TPD52L1: variants seen among roughly 807,000 people sequenced by gnomAD.
TPD52L1 encodes tumor protein D53.
TPD52L1 carries 18 observed loss-of-function variants against 28.7 expected under a neutral mutation model. The ratio of observed to expected loss-of-function variants is 0.63; its 90% CI spans 0.43 to 0.93. TPD52L1 has a LOEUF of 0.93. TPD52L1 is among the 40% of genes least tolerant of loss of function. The probability of loss-of-function intolerance (pLI) is 0.00; values close to 1 mark genes in which losing one functional copy is unlikely to be tolerated. For synonymous variants in TPD52L1, 75 were observed against 88.8 expected (o/e 0.84, Z 0.88); for missense variants, 203 against 254.8 (o/e 0.80, Z 1.39).
At chr6:125,172,145 TTTC>T (rs1365055307) in intron 1 of TPD52L1, among the ~76,000 whole-genome samples, 1,549 of 78,350 alleles carry the variant, frequency 0.02, 14 homozygotes, top group African/African-American at 0.062. Context: ...TCTTTCTTTC[TTTC>T]TTTCTTTCTT....
intron 1 of TPD52L1, among the ~76,000 whole-genome samples, chr6:125,218,795 T>C (rs573097232): frequency 1.3e-5 from 2 of 152,310 alleles, no homozygotes; most frequent in African/African-American, 4.8e-5. Flanking sequence ...ACTCTTCTGT[T>C]GTAGGACTTT....
At chr6:125,183,098 G>A (rs1335729231) in intron 1 of TPD52L1, among the ~76,000 whole-genome samples, 1 of 152,196 alleles carries the variant, frequency 6.6e-6, no homozygotes, top group East Asian at 1.9e-4. Flanking sequence ...GAACACTGAA[G>A]CACCCAGAAG....
intron 3 of TPD52L1, among the ~76,000 whole-genome samples, chr6:125,241,727 T>A (rs1361736552): frequency 6.6e-6 from 1 of 152,130 alleles, no homozygotes; most frequent in Admixed American, 6.5e-5. Flanking sequence ...TCTTGGTTAA[T>A]CTTGCTAATG....
intron 1 of TPD52L1, among the ~76,000 whole-genome samples, chr6:125,215,820 A>G (rs1794826338): frequency 6.6e-6 from 1 of 152,216 alleles, no homozygotes; most frequent in South Asian, 2.1e-4. Flanking sequence ...TATAGAAGGT[A>G]CTAAAGATGT....
intron 1 of TPD52L1, among the ~76,000 whole-genome samples, chr6:125,156,687 T>C (rs938748499): frequency 5.9e-5 from 9 of 152,104 alleles, no homozygotes; most frequent in African/African-American, 2.2e-4. Context: ...GAGGATCACC[T>C]GAGCCCAGCA....
chr6:125,233,374 CTTA>C (rs1796067600), intron 3 of TPD52L1, among the ~76,000 whole-genome samples: 1 of 152,068 alleles, frequency 6.6e-6, no homozygotes, highest in Non-Finnish European at 1.5e-5. Flanking sequence ...GTCAGGAATT[CTTA>C]TTATCTCTTT....
chr6:125,181,262 G>C (rs950850973), intron 1 of TPD52L1, among the ~76,000 whole-genome samples: 1 of 152,056 alleles, frequency 6.6e-6, no homozygotes. Context: ...CAAAATTCAG[G>C]ATGACTAAGA....
chr6:125,185,057 C>T (rs930050233), intron 1 of TPD52L1, among the ~76,000 whole-genome samples: 2 of 152,052 alleles, frequency 1.3e-5, no homozygotes, highest in Non-Finnish European at 2.9e-5. Flanking sequence ...AATAAAAACA[C>T]TAAGAGCAAT....
chr6:125,208,911 A>G lies in TPD52L1; in HGVS notation c.20-11167A>G, dbSNP rs1794334128. ...ACCTTTCAATCCCTAGGGCAGGAAT[A>G]AGCCAGCAGGCCCAAGGTGTAGCTC... is the stretch of plus-strand genomic sequence containing the variant. On this transcript the variant is annotated intron_variant, in intron 1 of 6. Transcript: ENST00000534000. 1.9e-5 allele frequency: 19 copies of G among 985,364 alleles called. 1 individual carries two copies. The South Asian group carries it at 8.0e-4, about 41-fold the overall frequency. The allele number at this position is 985,364 out of a possible 1,614,324, so 61.0% of individuals were successfully genotyped here.
At chr6:125,211,562 A>T (rs185630843) in intron 1 of TPD52L1, among the ~76,000 whole-genome samples, 2 of 152,290 alleles carry the variant, frequency 1.3e-5, no homozygotes, top group African/African-American at 4.8e-5. Flanking sequence ...TCGTCTGTGT[A>T]TGCAGATTTC....
chr6:125,218,704 A>G (rs569797740), intron 1 of TPD52L1, among the ~76,000 whole-genome samples: 103 of 152,302 alleles, frequency 6.8e-4, no homozygotes, highest in Non-Finnish European at 1.3e-3. Flanking sequence ...AAATGTTTAT[A>G]GTTTTGTCCC....
At chr6:125,169,964 G>C (rs149133763) in intron 1 of TPD52L1, among the ~76,000 whole-genome samples, 2 of 152,124 alleles carry the variant, frequency 1.3e-5, no homozygotes, top group East Asian at 3.9e-4. Flanking sequence ...GAACCTTTGA[G>C]TTTATTAATC....
chr6:125,168,632 C>T (rs1791071201), intron 1 of TPD52L1, among the ~76,000 whole-genome samples: 2 of 152,038 alleles, frequency 1.3e-5, no homozygotes, highest in Non-Finnish European at 2.9e-5. Flanking sequence ...ATTCTCCCAC[C>T]CCAGCCTCCC....
chr6:125,176,393 G>A (rs931680447), intron 1 of TPD52L1, among the ~76,000 whole-genome samples: 1 of 152,156 alleles, frequency 6.6e-6, no homozygotes, highest in Non-Finnish European at 1.5e-5. Context: ...GCCTGCTAGG[G>A]TTTGAAATAT....
chr6:125,174,018 C>A (rs993523795), intron 1 of TPD52L1, among the ~76,000 whole-genome samples: 1 of 152,156 alleles, frequency 6.6e-6, no homozygotes, highest in Admixed American at 6.5e-5. Context: ...CCCTTATTAG[C>A]GATGTGACCT....
At chr6:125,257,007 C>T (rs974033474) in intron 5 of TPD52L1, 91 bp from the exon 6 acceptor site, 22 of 1,120,158 alleles carry the variant, frequency 2.0e-5, no homozygotes, top group African/African-American at 3.1e-5. Context: ...TGGCAGAGGC[C>T]GTGTTTACAG....
intron 1 of TPD52L1, chr6:125,214,411 T>G (rs1276852491): frequency 1.0e-6 from 1 of 979,200 alleles, no homozygotes; most frequent in Admixed American, 6.2e-5. Flanking sequence ...TCTCTCCTCC[T>G]TTCCTCTTCC....
At chr6:125,262,255 T>C (rs1798104040) in intron 6 of TPD52L1, 1 of 152,582 alleles carries the variant, frequency 6.6e-6, no homozygotes, top group Non-Finnish European at 1.5e-5. Flanking sequence ...CCAAACCATA[T>C]CAAAAGGCAG....
intron 1 of TPD52L1, among the ~76,000 whole-genome samples, chr6:125,155,760 T>A (rs1323281112): frequency 6.6e-6 from 1 of 152,222 alleles, no homozygotes; most frequent in Non-Finnish European, 1.5e-5. Context: ...GCAGATTGTT[T>A]ATTGTGTCCC....
Sources: gnomAD v4.1 joint callset for allele counts (sites outside exome capture counted in the v4.1 genomes callset) on GRCh38, gnomAD v4.1.1 for gene constraint, MANE v1.5 for transcripts, NCBI Gene and HGNC (gene_info 2026-07-23, HGNC 2026-07-21) for gene names.